PLK2: variants seen among roughly 807,000 people sequenced by gnomAD.
The protein encoded by PLK2 is serine/threonine-protein kinase PLK2.
A neutral mutation model predicts 78.1 loss-of-function variants in PLK2; 25 were observed. The observed-to-expected ratio is 0.32, with a 90% CI of 0.23 to 0.45. The LOEUF (loss-of-function observed/expected upper bound fraction) is 0.45, where lower values mean the gene tolerates loss of function less well. Ranked by LOEUF, PLK2 falls within the 20% of genes least tolerant of loss-of-function variation. PLK2 has a pLI of 1.00. For missense variants in PLK2, 566 were observed against 840.2 expected (o/e 0.67, Z 4.04); for synonymous variants, 332 against 298.2 (o/e 1.11, Z -1.17).
At chr5:58,458,301 A>C (rs754872154) in intron 4 of PLK2, 98 bp downstream of exon 4, 2 of 1,410,898 alleles carry the variant, frequency 1.4e-6, no homozygotes, top group Non-Finnish European at 2.0e-6. Context: ...AAGATTGCAG[A>C]CACGAGATCC....
intron 1 of PLK2, 143 bp downstream of exon 1, chr5:58,459,547 G>C: frequency 1.5e-6 from 1 of 687,784 alleles, no homozygotes; most frequent in Non-Finnish European, 2.4e-6. Flanking sequence ...CCAGAGGGCA[G>C]GTGAGGAGCC....
intron 1 of PLK2, 36 bp downstream of exon 1, chr5:58,459,644 ACAGACCTCCC>A: frequency 6.7e-7 from 1 of 1,492,470 alleles, no homozygotes; most frequent in Non-Finnish European, 8.9e-7. Context: ...GGTCGCCCGG[ACAGACCTCCC>A]GCCCGCCCGG....
intron 1 of PLK2, 75 bp downstream of exon 1, chr5:58,459,615 G>C (rs1186445182): frequency 3.0e-6 from 4 of 1,317,740 alleles, no homozygotes; most frequent in African/African-American, 3.0e-5. Flanking sequence ...GAGGGACCCC[G>C]CGGGCTTGCC....
rs1240702031 is a variant in PLK2 at position 58,455,679 on chromosome 5, C to A, written c.1485G>T (p.Glu495Asp). 1.2e-6 allele frequency: 2 copies of A among 1,614,024 alleles called. No homozygotes were observed. Among genetic ancestry groups the A allele is most frequent in the Non-Finnish European group, 1.7e-6 (2 of 1,180,036 alleles). ...NMPEADCIPKEQLSTSFQWVT... is the reference protein window; with the variant it reads ...NMPEADCIPKDQLSTSFQWVT... ...CCCACTGAAATGATGTGCTCAGCTG[C>A]TCTTTGGGAATGCAATCAGCTTCCG... The change falls in exon 11 of 14, where the codon GAG (glutamate) becomes GAT (aspartate). Residue 495 changes from glutamate to aspartate, a missense_variant. Glu to Asp is a conservative substitution (Grantham distance 45). This residue lies in a region of PLK2 where 129 missense variants were observed against 156.0 expected (regional missense o/e 0.83). Transcript: ENST00000274289.
chr5:58,459,985 C>A lies in PLK2; in HGVS notation c.-26G>T. On this transcript the variant is annotated 5_prime_UTR_variant, in exon 1 of 14. Transcript: ENST00000274289. ...GGTCGCCTTGCCGCCCCGCACTGCCCGCTGCCACCCCCTAGGCGCGGTCAC... is the reference window on the plus strand; with the variant it reads ...GGTCGCCTTGCCGCCCCGCACTGCCAGCTGCCACCCCCTAGGCGCGGTCAC... The A allele has an allele frequency of 1.3e-6, 2 of 1,560,756 alleles. No homozygotes were observed. The highest frequency in any genetic ancestry group is 1.7e-6 in the Non-Finnish European group (2 of 1,153,148).
intron 10 of PLK2, 94 bp downstream of exon 10, chr5:58,455,932 A>G: frequency 6.7e-7 from 1 of 1,492,854 alleles, no homozygotes; most frequent in Non-Finnish European, 9.1e-7. Context: ...TTCTATGTTA[A>G]ATTAAGCTAC....
chr5:58,454,442 C>G lies in PLK2; in HGVS notation c.*141G>C. 1 of 631,364 alleles carries G rather than the reference C, an allele frequency of 1.6e-6. No homozygotes were observed. The highest frequency in any genetic ancestry group is 2.8e-6 in the Non-Finnish European group (1 of 360,822). 39.1% of individuals were successfully genotyped at this position (631,364 alleles called of 1,614,324 possible). A position where few individuals can be genotyped will look rare whatever the true frequency, so the allele number is the denominator to read the frequency against. ...TGCCTTAGCCTGTTCTGGTTCCAAC[C>G]AGTCCAGCAGGCCACAGGGGAATTG... is the stretch of plus-strand genomic sequence containing the variant. On this transcript the variant is annotated 3_prime_UTR_variant, in exon 14 of 14. Coordinates refer to ENST00000274289, the MANE Select transcript of PLK2 (RefSeq NM_006622.4).
chr5:58,455,030 G>A lies in PLK2; in HGVS notation c.1756-9C>T, dbSNP rs761358580. The A allele has an allele frequency of 6.6e-7, 1 of 1,505,606 alleles. No individual in the cohort carries two copies. The highest frequency in any genetic ancestry group is 9.2e-7 in the Non-Finnish European group (1 of 1,081,954). The allele number at this position is 1,505,606 out of a possible 1,614,324, so 93.3% of individuals were successfully genotyped here. A position where few individuals can be genotyped will look rare whatever the true frequency, so the allele number is the denominator to read the frequency against. ...CTAGGCAGATCTCCACCCTGGAAGAGATTAGGAGAGTGAGTTAGTGCCTAC... is the reference window on the plus strand; with the variant it reads ...CTAGGCAGATCTCCACCCTGGAAGAAATTAGGAGAGTGAGTTAGTGCCTAC... On this transcript the variant is annotated splice_polypyrimidine_tract_variant and intron_variant, in intron 12 of 13. Transcript: ENST00000274289.
chr5:58,456,282 A>C, intron 9 of PLK2, 127 bp from the exon 10 acceptor site: 1 of 914,972 alleles, frequency 1.1e-6, no homozygotes, highest in South Asian at 1.7e-5. Context: ...GACACAAGCC[A>C]GATAAAAGAT....
rs774694637 is a variant in PLK2 at position 58,456,492 on chromosome 5, C to T, written c.1254G>A (p.Glu418=). 1 of 1,586,798 alleles carries T rather than the reference C, an allele frequency of 6.3e-7. No individual in the cohort carries two copies. The highest frequency in any genetic ancestry group is 1.7e-5 in the Admixed American group (1 of 59,176). The change falls in exon 9 of 14, where the codon GAG becomes GAA. Residue 418 remains glutamate (E), a splice_region_variant and synonymous_variant. Transcript: ENST00000274289. ...TQQPSKHRTD[E]ELQPPTTTVA... is the part of the protein sequence containing the mutation. ...TCTACTTTACTCTTTCCCAACACACCTCATCTGTCCTGTGTTTGCTGGGTT... is the reference window on the plus strand; with the variant it reads ...TCTACTTTACTCTTTCCCAACACACTTCATCTGTCCTGTGTTTGCTGGGTT...
rs1579965687 is a variant in PLK2 at position 58,458,453 on chromosome 5, A to C, written c.571T>G (p.Ser191Ala). Residue 191 changes from serine (S) to alanine (A), a missense_variant, in exon 4 of 14, where the codon TCT becomes GCT. Ser to Ala is a moderately conservative substitution (Grantham distance 99). Transcript: ENST00000274289. The part of the protein sequence containing the change: ...EVRYYLRQIV[S>A]GLKYLHEQEI... ...TGTTCATGAAGGTATTTCAGTCCAG[A>C]CACAATCTGCCTGAGGTAGTATCGA... 2.5e-6 allele frequency: 4 copies of C among 1,613,012 alleles called. No individual in the cohort carries two copies. Among genetic ancestry groups the C allele is most frequent in the Non-Finnish European group, 3.4e-6 (4 of 1,178,950 alleles).
Position 58,455,426 on chromosome 5 carries a change from G to A in PLK2, c.1626-12C>T, listed in dbSNP as rs1160793520. 15 of 1,613,344 alleles carry A rather than the reference G, an allele frequency of 9.3e-6. No homozygotes were observed. The highest frequency in any genetic ancestry group is 1.3e-5 in the Non-Finnish European group (15 of 1,179,790). Reference sequence around the variant, plus strand: ...AATAGTGAACTGTTCTATAAAAACAGGAACGAAAGGGAGAGAAGAGGAAAA... The same window carrying A: ...AATAGTGAACTGTTCTATAAAAACAAGAACGAAAGGGAGAGAAGAGGAAAA... On this transcript the variant is annotated splice_polypyrimidine_tract_variant and intron_variant, in intron 11 of 13. Coordinates refer to ENST00000274289, the MANE Select transcript of PLK2 (RefSeq NM_006622.4).
At chr5:58,455,185 GT>G in intron 12 of PLK2, 99 bp downstream of exon 12, 1 of 1,394,362 alleles carries the variant, frequency 7.2e-7, no homozygotes, top group Non-Finnish European at 1.0e-6. Context: ...CCAACGGTAG[GT>G]CAGGAGAATC....
At chr5:58,459,543 G>T in intron 1 of PLK2, 147 bp downstream of exon 1, 1 of 662,998 alleles carries the variant, frequency 1.5e-6, no homozygotes, top group Non-Finnish European at 2.5e-6. Flanking sequence ...AAAGCCAGAG[G>T]GCAGGTGAGG....
rs764158052 is a variant in PLK2, at chr5:58,454,710, G to A, written c.1931C>T (p.Thr644Ile). The A allele has an allele frequency of 1.2e-6, 2 of 1,612,742 alleles. No individual in the cohort carries two copies. The highest frequency in any genetic ancestry group is 1.7e-6 in the Non-Finnish European group (2 of 1,178,808). Residue 644 changes from threonine (T) to isoleucine (I), a missense_variant, in exon 14 of 14, where the codon ACC (threonine) becomes ATC (isoleucine). By Grantham distance (89) the Thr-to-Ile change is moderately conservative (BLOSUM62 -1). Coordinates refer to ENST00000274289, the MANE Select transcript of PLK2 (RefSeq NM_006622.4). ...AGATATCCTATCCTCATTGATGTAG[G>A]TGAGAAGGTATTCTTCATTTTGGCT... ...ICSQNEEYLL[T>I]YINEDRISTT...
Position 58,460,006 on chromosome 5 carries a change from G to T in PLK2, c.-47C>A. 2 of 1,537,104 alleles carry T rather than the reference G, an allele frequency of 1.3e-6. No homozygotes were observed. Among genetic ancestry groups the T allele is most frequent in the Non-Finnish European group, 8.7e-7 (1 of 1,143,134 alleles). ...TGCCCGCTGCCACCCCCTAGGCGCG[G>T]TCACACGTCCGAGCCGGCCGTGGTC... On this transcript the variant is annotated 5_prime_UTR_variant, in exon 1 of 14. Transcript: ENST00000274289.
rs1325484165 is a variant in PLK2 at position 58,454,675 on chromosome 5, T to C, written c.1966A>G (p.Arg656Gly). ...INEDRISTTF[R>G]LTTLLMSGCS... ...CCAGACATCAGCAGAGTTGTCAGCC[T>C]GAAAGTTGTAGATATCCTATCCTCA... The change falls in exon 14 of 14, where the codon AGG becomes GGG. Residue 656 changes from arginine (R) to glycine (G), a missense_variant. Transcript: ENST00000274289. 1 of 1,613,574 alleles carries C rather than the reference T, an allele frequency of 6.2e-7. No homozygotes were observed. The highest frequency in any genetic ancestry group is 1.3e-5 in the African/African-American group (1 of 74,934).
chr5:58,459,987 C>A lies in PLK2; in HGVS notation c.-28G>T. 6.4e-7 allele frequency: 1 copy of A among 1,557,802 alleles called. No homozygotes were observed. Among genetic ancestry groups the A allele is most frequent in the South Asian group, 1.2e-5 (1 of 83,060 alleles). ...TCGCCTTGCCGCCCCGCACTGCCCG[C>A]TGCCACCCCCTAGGCGCGGTCACAC... On this transcript the variant is annotated 5_prime_UTR_variant, in exon 1 of 14. Transcript: ENST00000274289.
At chr5:58,456,239 G>C in intron 9 of PLK2, 84 bp from the exon 10 acceptor site, 77 of 1,308,534 alleles carry the variant, frequency 5.9e-5, no homozygotes, top group Non-Finnish European at 7.9e-5. Context: ...TGAGAGTGAG[G>C]CAATTGCTGG....
Sources: gnomAD v4.1 joint callset for allele counts on GRCh38, gnomAD v4.1.1 for gene constraint, gnomAD v4.1.1 regional missense constraint, MANE v1.5 for transcripts, NCBI Gene and HGNC (gene_info 2026-07-23, HGNC 2026-07-21) for gene names.